Variants in LRGUK observed in about 807,000 individuals in gnomAD.
LRGUK encodes the protein leucine rich repeats and guanylate kinase domain containing.
Under a neutral mutation model 76.0 loss-of-function variants are expected in LRGUK, and 65 were observed. The observed-to-expected ratio is 0.85, with a 90% confidence interval of 0.70 to 1.05. The LOEUF is 1.05. LRGUK is among the 50% of genes least tolerant of loss of function. The pLI, the probability that LRGUK is intolerant of heterozygous loss-of-function variation, is 0.00. For missense variants in LRGUK, 758 were observed against 732.8 expected (o/e 1.03, Z -0.40); for synonymous variants, 268 against 265.6 (o/e 1.01, Z -0.09).
At chr7:134,267,353 G>C (rs1204480792), downstream of LRGUK, among the ~76,000 whole-genome samples, 1 of 152,044 alleles carries the variant, frequency 6.6e-6, no homozygotes, top group East Asian at 1.9e-4. Context: ...CTTATAAGTG[G>C]GAGCTAAACA....
chr7:134,140,788 C>T (rs1415529043), intron 3 of LRGUK, among the ~76,000 whole-genome samples: 1 of 152,060 alleles, frequency 6.6e-6, no homozygotes, highest in East Asian at 1.9e-4. Context: ...GAAAGACTTT[C>T]AATTAACTTT....
At chr7:134,195,388 C>T (rs540325043) in intron 12 of LRGUK, among the ~76,000 whole-genome samples, 30 of 152,274 alleles carry the variant, frequency 2.0e-4, no homozygotes, top group Middle Eastern at 3.4e-3. Context: ...AAGTTCCTCC[C>T]AAAGTTAGTT....
chr7:134,139,003 G>A (rs1414663539), intron 2 of LRGUK, among the ~76,000 whole-genome samples: 3 of 152,078 alleles, frequency 2.0e-5, no homozygotes, highest in Admixed American at 6.6e-5. Flanking sequence ...TGAAAGTGTA[G>A]GTAGTATTGT....
chr7:134,253,007 C>G (rs1802485116), intron 18 of LRGUK, among the ~76,000 whole-genome samples: 1 of 152,148 alleles, frequency 6.6e-6, no homozygotes, highest in Non-Finnish European at 1.5e-5. Context: ...CTTGTATAGA[C>G]CCAATTGCAT....
rs76236840 is a variant in LRGUK at position 134,143,216 on chromosome 7, A to G, written c.588+54A>G. The G allele has an allele frequency of 6.2e-4, 581 of 933,526 alleles. 3 individuals carry two copies. In the East Asian group the frequency reaches 0.014, roughly 22 times the overall value. The allele number at this position is 933,526 out of a possible 1,614,324, so 57.8% of individuals were successfully genotyped here. A position where few individuals can be genotyped will look rare whatever the true frequency, so the allele number is the denominator to read the frequency against. The stretch of plus-strand genomic sequence containing the variant: ...ATTAAGGGGTTTGCAAAAGTGCATT[A>G]AATAAGCAAAATAGCACTCAAATAG... On this transcript the variant is annotated intron_variant, in intron 4 of 15. Coordinates refer to ENST00000645682, the Ensembl canonical transcript of LRGUK.
At chr7:134,272,617 C>T in the LRGUK span, among the ~76,000 whole-genome samples, 1 of 152,064 alleles carries the variant, frequency 6.6e-6, no homozygotes, top group Non-Finnish European at 1.5e-5. Flanking sequence ...AGGTACATCC[C>T]ATTATTAAGA....
intron 4 of LRGUK, among the ~76,000 whole-genome samples, chr7:134,147,650 G>A (rs1231848319): frequency 1.3e-5 from 2 of 152,152 alleles, no homozygotes; most frequent in African/African-American, 2.4e-5. Context: ...AATGCTAAAA[G>A]TGGAGAGCGT....
chr7:134,274,107 G>A, the LRGUK span, among the ~76,000 whole-genome samples: 2 of 152,194 alleles, frequency 1.3e-5, no homozygotes, highest in African/African-American at 4.8e-5. Flanking sequence ...GTCCACTATG[G>A]TGGCCACCAG....
chr7:134,131,331 A>G (rs1201761381), intron 1 of LRGUK, among the ~76,000 whole-genome samples: 1 of 152,250 alleles, frequency 6.6e-6, no homozygotes, highest in Non-Finnish European at 1.5e-5. Flanking sequence ...AGATGAGAAC[A>G]TGATTGAAGA....
chr7:134,248,918 G>GT, intron 17 of LRGUK, 33 bp from the exon 18 acceptor site: 2 of 1,342,182 alleles, frequency 1.5e-6, no homozygotes, highest in Non-Finnish European at 2.0e-6. Flanking sequence ...AAAATCCTTT[G>GT]GTTTTTTTTT....
At chr7:134,259,139 C>T (rs887502501) in intron 19 of LRGUK, among the ~76,000 whole-genome samples, 1 of 152,144 alleles carries the variant, frequency 6.6e-6, no homozygotes, top group Non-Finnish European at 1.5e-5. Flanking sequence ...AAGGATCTGG[C>T]CCAGCCCCGC....
chr7:134,194,964 A>G (rs911300210), intron 12 of LRGUK, among the ~76,000 whole-genome samples: 9 of 152,174 alleles, frequency 5.9e-5, no homozygotes, highest in African/African-American at 2.2e-4. Flanking sequence ...ACTCAAATCA[A>G]TCACCCTGAG....
intron 1 of LRGUK, among the ~76,000 whole-genome samples, chr7:134,133,834 C>T (rs946951584): frequency 6.6e-5 from 10 of 151,880 alleles, no homozygotes; most frequent in Admixed American, 1.3e-4. Flanking sequence ...CGGAAGTGGG[C>T]GGATCACTTG....
chr7:134,176,833 C>T (rs1469105442), intron 8 of LRGUK, 144 bp from the exon 9 acceptor site: 23 of 535,076 alleles, frequency 4.3e-5, no homozygotes, highest in Middle Eastern at 2.7e-4. Flanking sequence ...GACTGGGAAG[C>T]GTGAAATGCA....
At chr7:134,268,385 T>A (rs376674587), downstream of LRGUK, among the ~76,000 whole-genome samples, 32 of 150,954 alleles carry the variant, frequency 2.1e-4, no homozygotes, top group African/African-American at 7.9e-4. Flanking sequence ...ACAAACTCTT[T>A]TCTTAAAAAA....
intron 16 of LRGUK, among the ~76,000 whole-genome samples, chr7:134,222,960 T>C (rs993225511): frequency 2.0e-5 from 3 of 152,158 alleles, no homozygotes; most frequent in African/African-American, 7.2e-5. Context: ...TGTTCAGTGG[T>C]CAAAAGAATC....
At chr7:134,247,772 A>C (rs74825262) in intron 17 of LRGUK, 128 bp downstream of exon 17, 23,793 of 606,248 alleles carry the variant, frequency 0.039, 1,839 homozygotes, top group African/African-American at 0.22. Context: ...CAGCAGTAAA[A>C]GCAGTTCTAG....
At chr7:134,148,087 A>G in intron 4 of LRGUK, 151 bp from the exon 5 acceptor site, 1 of 575,850 alleles carries the variant, frequency 1.7e-6, no homozygotes, top group South Asian at 2.2e-5. Context: ...AAAAGATTAA[A>G]GACAGATGAT....
At chr7:134,245,285 A>G (rs553646213) in intron 16 of LRGUK, among the ~76,000 whole-genome samples, 5 of 152,282 alleles carry the variant, frequency 3.3e-5, no homozygotes, top group South Asian at 2.1e-4. Flanking sequence ...CCCCTCTTCT[A>G]TTTCAGCTGT....
Sources: allele counts gnomAD v4.1 joint callset (sites outside exome capture counted in the v4.1 genomes callset), GRCh38; gene constraint gnomAD v4.1.1; transcripts MANE v1.5; gene names NCBI Gene and HGNC (gene_info 2026-07-23, HGNC 2026-07-21).